Variants in ONECUT2 observed in about 807,000 individuals in gnomAD.
ONECUT2 encodes one cut homeobox 2.
ONECUT2 carries 10 observed loss-of-function variants against 27.9 expected under a neutral mutation model. The observed-to-expected ratio is 0.36, with a 90% CI of 0.22 to 0.61. The LOEUF is 0.61. ONECUT2 is among the 20% of genes least tolerant of loss of function. The pLI, the probability that ONECUT2 is intolerant of heterozygous loss-of-function variation, is 0.73. For missense variants in ONECUT2, 686 were observed against 721.0 expected, an observed-to-expected ratio of 0.95 and a Z score of 0.56; for synonymous variants, 334 against 315.1, an observed-to-expected ratio of 1.06 and a Z score of -0.64.
chr18:57,474,884 G>A (rs1256029746), intron 1 of ONECUT2, among the ~76,000 whole-genome samples: 1 of 152,144 alleles, frequency 6.6e-6, no homozygotes, highest in African/African-American at 2.4e-5. Flanking sequence ...TTGGGGGAAT[G>A]TCAGTCCACT....
intron 1 of ONECUT2, among the ~76,000 whole-genome samples, chr18:57,453,011 C>T (rs1285272964): frequency 6.6e-6 from 1 of 152,194 alleles, no homozygotes. Context: ...TTAGGTTCTA[C>T]ATCTGGAGCA....
At chr18:57,460,905 G>T (rs1181078595) in intron 1 of ONECUT2, among the ~76,000 whole-genome samples, 3 of 151,864 alleles carry the variant, frequency 2.0e-5, no homozygotes, top group African/African-American at 7.3e-5. Context: ...TGCCCAGGCT[G>T]GTCTCAAATG....
At chr18:57,461,648 C>G (rs910334853) in intron 1 of ONECUT2, among the ~76,000 whole-genome samples, 1 of 152,228 alleles carries the variant, frequency 6.6e-6, no homozygotes, top group Non-Finnish European at 1.5e-5. Context: ...CTGAGTAACT[C>G]TGTGAAACTC....
intron 1 of ONECUT2, among the ~76,000 whole-genome samples, chr18:57,474,231 T>C (rs2050369466): frequency 6.6e-6 from 1 of 152,188 alleles, no homozygotes; most frequent in Admixed American, 6.5e-5. Context: ...ATTTTGATTA[T>C]TTCAGGAATG....
chr18:57,473,022 G>A (rs1050707241), intron 1 of ONECUT2, among the ~76,000 whole-genome samples: 3 of 152,202 alleles, frequency 2.0e-5, no homozygotes, highest in Non-Finnish European at 2.9e-5. Flanking sequence ...TAGGGTCAGG[G>A]ACGGTTGTCC....
At position 57,436,968 on chromosome 18, in the gene ONECUT2, C is replaced by T; in HGVS notation, c.1228+24C>T. On this transcript the variant is annotated intron_variant, in intron 1 of 1. Transcript: ENST00000491143. The surrounding 1 kb of genome is among the most constrained non-coding windows in gnomAD (Gnocchi z 5.9). ...AGGTAAGGCCGGGGCTAGCCAGGGG[C>T]CAGGCTGCTGGGAAGAGGGCTCCGG... 6 of 1,552,674 alleles carry T rather than the reference C, an allele frequency of 3.9e-6. No individual in the cohort carries two copies. The highest frequency in any genetic ancestry group is 4.4e-6 in the Non-Finnish European group (5 of 1,149,010).
intron 1 of ONECUT2, among the ~76,000 whole-genome samples, chr18:57,438,681 G>A (rs1382149716): frequency 6.6e-6 from 1 of 152,140 alleles, no homozygotes; most frequent in African/African-American, 2.4e-5. Context: ...AAGAAAACTA[G>A]GTTTCCCTGC....
chr18:57,457,706 A>G (rs1163498740), intron 1 of ONECUT2, among the ~76,000 whole-genome samples: 2 of 152,200 alleles, frequency 1.3e-5, no homozygotes, highest in Middle Eastern at 3.2e-3. Context: ...ACAATAGCAA[A>G]GACTTGGAAC....
chr18:57,474,446 C>A (rs781312319), intron 1 of ONECUT2, among the ~76,000 whole-genome samples: 29 of 152,160 alleles, frequency 1.9e-4, no homozygotes, highest in Non-Finnish European at 2.9e-4. Flanking sequence ...TTATTTCTGA[C>A]AGTTCTGGAG....
At chr18:57,440,140 G>C (rs2050166266) in intron 1 of ONECUT2, among the ~76,000 whole-genome samples, 2 of 152,278 alleles carry the variant, frequency 1.3e-5, no homozygotes, top group African/African-American at 4.8e-5. Flanking sequence ...CGGCTAAGTG[G>C]CAGGTGGTTG....
At chr18:57,437,249 G>C (rs2050147998) in intron 1 of ONECUT2, among the ~76,000 whole-genome samples, 1 of 147,758 alleles carries the variant, frequency 6.8e-6, no homozygotes, top group South Asian at 2.3e-4. Flanking sequence ...CCCTATTTCC[G>C]ATCTTCCCAG....
chr18:57,436,652 C>T lies in ONECUT2; in HGVS notation c.936C>T (p.Arg312=). Residue 312 remains arginine, a synonymous_variant, in exon 1 of 2, where the codon CGC becomes CGT. Coordinates refer to ENST00000491143, the MANE Select transcript of ONECUT2 (RefSeq NM_004852.3). The surrounding 1 kb of genome is among the most constrained non-coding windows in gnomAD (Gnocchi z 5.9). ...QSHGPVLAPS[R]ERPPSSSSGS... is the part of the protein sequence containing the mutation. ...ACGGGCCGGTGCTGGCACCCAGTCG[C>T]GAGCGGCCACCCTCGTCCTCATCGG... is the stretch of plus-strand genomic sequence containing the variant. The T allele has an allele frequency of 1.9e-6, 3 of 1,612,278 alleles. No individual in the cohort carries two copies. The highest frequency in any genetic ancestry group is 2.5e-6 in the Non-Finnish European group (3 of 1,179,876).
At chr18:57,444,950 C>T (rs953090109) in intron 1 of ONECUT2, among the ~76,000 whole-genome samples, 1 of 152,018 alleles carries the variant, frequency 6.6e-6, no homozygotes, top group Non-Finnish European at 1.5e-5. Flanking sequence ...GTGTAATGAC[C>T]CAGTTGGGGA....
chr18:57,456,042 C>A (rs112840621), intron 1 of ONECUT2, among the ~76,000 whole-genome samples: 9 of 152,284 alleles, frequency 5.9e-5, no homozygotes, highest in Middle Eastern at 3.4e-3. Flanking sequence ...TGACCTCATT[C>A]CCATTAGGAT....
At position 57,436,942 on chromosome 18, in the gene ONECUT2, C is replaced by G. The variant is rs778322443; in HGVS notation, c.1226C>G (p.Ala409Gly). 1.4e-5 allele frequency: 22 copies of G among 1,591,594 alleles called. No individual in the cohort carries two copies. Among genetic ancestry groups the G allele is most frequent in the Non-Finnish European group, 1.8e-5 (21 of 1,169,286 alleles). ...EFQRMSALRL[A>G]ACKRKEQEPN... ...CAGCGCATGTCCGCCTTACGCCTGG[C>G]AGGTAAGGCCGGGGCTAGCCAGGGG... Residue 409 changes from alanine to glycine, a missense_variant and splice_region_variant, in exon 1 of 2, where the codon GCA becomes GGA. Coordinates refer to ENST00000491143, the MANE Select transcript of ONECUT2 (RefSeq NM_004852.3). This position sits in a 1 kb window ranked among gnomAD's most constrained non-coding sequence, Gnocchi z 5.9.
At position 57,488,470 on chromosome 18, in the gene ONECUT2, T is replaced by A. The variant is rs2122170475; in HGVS notation, c.*11747T>A. On this transcript the variant is annotated 3_prime_UTR_variant, in exon 2 of 2. Transcript: ENST00000491143. Reference sequence around the variant, plus strand: ...GAGACATGAGTGTACCCAGCCCTTTTTTTAATCACAGGCAATGCATGGGTC... The same window carrying A: ...GAGACATGAGTGTACCCAGCCCTTTATTTAATCACAGGCAATGCATGGGTC... 1 of 152,766 alleles carries A rather than the reference T, an allele frequency of 6.5e-6. No homozygotes were observed. The highest frequency in any genetic ancestry group is 2.1e-4 in the South Asian group (1 of 4,824). The allele number at this position is 152,766 out of a possible 1,614,324, so 9.5% of individuals were successfully genotyped here. A position where few individuals can be genotyped will look rare whatever the true frequency, so the allele number is the denominator to read the frequency against.
At chr18:57,441,169 G>A (rs1337238196) in intron 1 of ONECUT2, among the ~76,000 whole-genome samples, 1 of 152,246 alleles carries the variant, frequency 6.6e-6, no homozygotes, top group East Asian at 1.9e-4. Flanking sequence ...GTGTGGTTAT[G>A]TCACTTTCTC....
intron 1 of ONECUT2, among the ~76,000 whole-genome samples, chr18:57,449,940 G>C (rs2050220962): frequency 6.6e-6 from 1 of 152,122 alleles, no homozygotes; most frequent in South Asian, 2.1e-4. Context: ...GGTCTTTTCT[G>C]TGTCTCCCTT....
At chr18:57,474,698 T>C (rs2050372213) in intron 1 of ONECUT2, among the ~76,000 whole-genome samples, 1 of 152,114 alleles carries the variant, frequency 6.6e-6, no homozygotes, top group African/African-American at 2.4e-5. Context: ...TTGTAACATA[T>C]GAATTTTTGG....
Sources: gnomAD v4.1 joint callset for allele counts (sites outside exome capture counted in the v4.1 genomes callset) on GRCh38, gnomAD v4.1.1 for gene constraint, Gnocchi (gnomAD v3.1) non-coding constraint, MANE v1.5 for transcripts, NCBI Gene and HGNC (gene_info 2026-07-23, HGNC 2026-07-21) for gene names.